Variants in DTNB observed in about 807,000 individuals in gnomAD.
The protein encoded by DTNB is dystrobrevin beta.
Under a neutral mutation model 90.7 loss-of-function variants are expected in DTNB, and 63 were observed. The ratio of observed to expected loss-of-function variants is 0.69; its 90% CI spans 0.57 to 0.86. The LOEUF (loss-of-function observed/expected upper bound fraction) is 0.86. Among genes scored for constraint, DTNB ranks in the 40% least tolerant of loss-of-function variants. The probability of loss-of-function intolerance (pLI) is 0.00; values close to 1 mark genes in which losing one functional copy is unlikely to be tolerated. For synonymous variants in DTNB, 277 were observed against 286.7 expected, an observed-to-expected ratio of 0.97 and a Z score of 0.34; for missense variants, 744 against 807.1, an observed-to-expected ratio of 0.92 and a Z score of 0.95.
chr2:25,521,827 T>C (rs1214094626), intron 9 of DTNB, among the ~76,000 whole-genome samples: 1 of 152,280 alleles, frequency 6.6e-6, no homozygotes. Context: ...GCCTGCAGGC[T>C]ATAGTTTGCC....
chr2:25,526,011 C>T (rs1292378690), intron 9 of DTNB, among the ~76,000 whole-genome samples: 1 of 152,150 alleles, frequency 6.6e-6, no homozygotes, highest in Non-Finnish European at 1.5e-5. Flanking sequence ...ACCAGGAAAC[C>T]AGAGGTTACT....
chr2:25,422,946 A>G (rs2149833374), intron 15 of DTNB, among the ~76,000 whole-genome samples: 1 of 152,250 alleles, frequency 6.6e-6, no homozygotes, highest in Non-Finnish European at 1.5e-5. Flanking sequence ...TAATCCCAGC[A>G]CTTTGGGAGA....
intron 10 of DTNB, among the ~76,000 whole-genome samples, chr2:25,478,679 C>G (rs1382103868): frequency 1.3e-5 from 2 of 152,096 alleles, no homozygotes; most frequent in Non-Finnish European, 2.9e-5. Context: ...CTTTTCTTGG[C>G]AGTATACTCT....
chr2:25,550,842 G>A (rs2083494456), intron 8 of DTNB, among the ~76,000 whole-genome samples: 1 of 152,122 alleles, frequency 6.6e-6, no homozygotes, highest in Non-Finnish European at 1.5e-5. Flanking sequence ...TAGAGATGGG[G>A]TTTCACCATT....
chr2:25,572,911 C>T (rs1305331318), intron 8 of DTNB, among the ~76,000 whole-genome samples: 1 of 152,108 alleles, frequency 6.6e-6, no homozygotes, highest in Admixed American at 6.5e-5. Flanking sequence ...TCAGTTGCTT[C>T]TGGCTTTGGC....
intron 9 of DTNB, among the ~76,000 whole-genome samples, chr2:25,485,958 C>A (rs1283426925): frequency 6.6e-6 from 1 of 151,840 alleles, no homozygotes; most frequent in Non-Finnish European, 1.5e-5. Flanking sequence ...CCCATCTCTA[C>A]TAAAAATATA....
chr2:25,391,644 A>G (rs1441481922), intron 16 of DTNB, among the ~76,000 whole-genome samples: 3 of 152,224 alleles, frequency 2.0e-5, no homozygotes, highest in African/African-American at 7.2e-5. Context: ...TACTGCTGAT[A>G]GAAATGTAAA....
intron 1 of DTNB, among the ~76,000 whole-genome samples, chr2:25,668,426 C>G (rs2085018843): frequency 6.6e-6 from 1 of 152,196 alleles, no homozygotes; most frequent in Non-Finnish European, 1.5e-5. Context: ...TTTATTCTGT[C>G]TGTACTGTTG....
intron 18 of DTNB, among the ~76,000 whole-genome samples, chr2:25,385,128 T>C (rs980403183): frequency 3.3e-5 from 5 of 152,176 alleles, no homozygotes; most frequent in African/African-American, 1.2e-4. Context: ...TCCACCTGCC[T>C]CAGCCTCCCA....
chr2:25,411,958 C>T (rs6731296), intron 16 of DTNB, among the ~76,000 whole-genome samples: 57,367 of 151,904 alleles, frequency 0.38, 11,499 homozygotes, highest in East Asian at 0.57. Context: ...GAATCTGAAT[C>T]GCTTCCCAGT....
chr2:25,617,432 G>C (rs975003206), intron 4 of DTNB, among the ~76,000 whole-genome samples: 1 of 152,042 alleles, frequency 6.6e-6, no homozygotes, highest in Non-Finnish European at 1.5e-5. Context: ...GTGGGCTCGA[G>C]GTGTTAATTA....
chr2:25,581,867 C>A (rs1386970092), intron 6 of DTNB, among the ~76,000 whole-genome samples: 1 of 152,222 alleles, frequency 6.6e-6, no homozygotes, highest in Non-Finnish European at 1.5e-5. Flanking sequence ...AGAGCCCAGA[C>A]AACAGGGCAC....
intron 6 of DTNB, among the ~76,000 whole-genome samples, chr2:25,583,261 AAATATAT>A: frequency 1.4e-5 from 2 of 143,676 alleles, no homozygotes; most frequent in East Asian, 3.9e-4. Flanking sequence ...AAAAAAAAAA[AAATATAT>A]ATATATATAT....
chr2:25,641,258 C>T (rs1204911605), intron 2 of DTNB, among the ~76,000 whole-genome samples: 1 of 152,154 alleles, frequency 6.6e-6, no homozygotes, highest in East Asian at 1.9e-4. Flanking sequence ...TCTAATAACA[C>T]TCCAAATCCC....
Position 25,432,927 on chromosome 2 carries a change from T to C in DTNB, c.1416A>G (p.Ala472=). The change falls in exon 14 of 21, where the codon GCA becomes GCG. Residue 472 remains alanine, a synonymous_variant. Coordinates refer to ENST00000406818, the MANE Select transcript of DTNB (RefSeq NM_021907.5). Reference sequence around the variant, plus strand: ...CTGCCAGCAGCGTGGGGTTCTGCTGTGCCTTCTCAGGGGTGGGCTGGGAGG... The same window carrying C: ...CTGCCAGCAGCGTGGGGTTCTGCTGCGCCTTCTCAGGGGTGGGCTGGGAGG... ...EQASQPTPEK[A]QQNPTLLAEL... 2 of 1,610,954 alleles carry C rather than the reference T, an allele frequency of 1.2e-6. No homozygotes were observed. Among genetic ancestry groups the C allele is most frequent in the African/African-American group, 2.7e-5 (2 of 75,034 alleles).
In DTNB at chr2:25,554,839, A is replaced by G. The variant is rs188058148; in HGVS notation, c.876+21999T>C. On this transcript the variant is annotated intron_variant, in intron 8 of 20. Transcript: ENST00000406818. ...AAAAACATGAGATACAACACCATAA[A>G]TTATGAATGGTCACATACATATGAG... 4.4e-4 allele frequency among the ~76,000 whole-genome samples: 67 copies of G among 152,332 alleles called. No individual in the cohort carries two copies. In the East Asian group the frequency reaches 6.6e-3, roughly 15 times the overall value.
intron 9 of DTNB, among the ~76,000 whole-genome samples, chr2:25,493,403 T>C (rs933268871): frequency 5.9e-5 from 9 of 152,212 alleles, no homozygotes; most frequent in African/African-American, 2.2e-4. Flanking sequence ...TTTTAAATGA[T>C]GCAGCAGATT....
chr2:25,424,689 A>G lies in DTNB; in HGVS notation c.1554+2846T>C, dbSNP rs2050929157. On this transcript the variant is annotated intron_variant, in intron 15 of 20. Coordinates refer to ENST00000406818, the MANE Select transcript of DTNB (RefSeq NM_021907.5). This position sits in a 1 kb window ranked among gnomAD's most constrained non-coding sequence, Gnocchi z 4.1. ...ATCCCCTATTTTTTTTTTTTTTGAGACTGAGTCTTACTCTCTGACCCTGGC... is the reference window on the plus strand; with the variant it reads ...ATCCCCTATTTTTTTTTTTTTTGAGGCTGAGTCTTACTCTCTGACCCTGGC... Among the ~76,000 whole-genome samples, 1 of 148,980 alleles carries G rather than the reference A, an allele frequency of 6.7e-6. No individual in the cohort carries two copies. Among genetic ancestry groups the G allele is most frequent in the African/African-American group, 2.5e-5 (1 of 40,236 alleles).
intron 10 of DTNB, among the ~76,000 whole-genome samples, chr2:25,477,776 T>C (rs781708864): frequency 6.6e-6 from 1 of 152,102 alleles, no homozygotes; most frequent in African/African-American, 2.4e-5. Context: ...GAGAAGCCCA[T>C]AGCTGTAATT....
Sources: gnomAD v4.1 joint callset for allele counts (sites outside exome capture counted in the v4.1 genomes callset) on GRCh38, gnomAD v4.1.1 for gene constraint, Gnocchi (gnomAD v3.1) non-coding constraint, MANE v1.5 for transcripts, NCBI Gene and HGNC (gene_info 2026-07-23, HGNC 2026-07-21) for gene names.